The following ZEB1 variants were observed in gnomAD, a reference collection of about 807,000 sequenced individuals.
The protein encoded by ZEB1 is zinc finger E-box binding homeobox 1, also known as zinc finger E-box-binding homeobox 1.
ZEB1 carries 21 observed loss-of-function variants against 84.9 expected under a neutral mutation model. That is an observed-to-expected ratio of 0.25 (90% confidence interval 0.18 to 0.36). The LOEUF is 0.36. Ranked by LOEUF, ZEB1 falls within the 10% of genes least tolerant of loss-of-function variation. The pLI is 1.00. For missense variants in ZEB1, 1,104 were observed against 1,330.2 expected, an observed-to-expected ratio of 0.83 and a Z score of 2.65; for synonymous variants, 420 against 471.1, an observed-to-expected ratio of 0.89 and a Z score of 1.41.
chr10:31,487,123 A>G (rs1388103683), intron 2 of ZEB1, among the ~76,000 whole-genome samples: 1 of 151,438 alleles, frequency 6.6e-6, no homozygotes, highest in Non-Finnish European at 1.5e-5. Flanking sequence ...CTGTACATCC[A>G]TCCTTTTGCC....
chr10:31,319,180 A>T, upstream of ZEB1: 1 of 701,906 alleles, frequency 1.4e-6, no homozygotes, highest in Non-Finnish European at 1.9e-6. Context: ...GTGGGGGGGA[A>T]GGGGGAGGGA....
At chr10:31,456,399 A>G (rs2061243474) in intron 1 of ZEB1, among the ~76,000 whole-genome samples, 1 of 152,140 alleles carries the variant, frequency 6.6e-6, no homozygotes, top group Non-Finnish European at 1.5e-5. Context: ...TTAAAGTATA[A>G]TAATAAAAAG....
At chr10:31,437,554 A>G (rs1339260644) in intron 1 of ZEB1, among the ~76,000 whole-genome samples, 1 of 152,202 alleles carries the variant, frequency 6.6e-6, no homozygotes, top group Non-Finnish European at 1.5e-5. Context: ...AGGAGTAGAA[A>G]GACTTTCTTT....
At chr10:31,404,206 C>G (rs2052560778) in intron 1 of ZEB1, among the ~76,000 whole-genome samples, 1 of 150,768 alleles carries the variant, frequency 6.6e-6, no homozygotes, top group Non-Finnish European at 1.5e-5. Flanking sequence ...TGCTGTGTAC[C>G]CTTTTCTGCA....
intron 1 of ZEB1, among the ~76,000 whole-genome samples, chr10:31,354,960 A>G (rs139028453): frequency 3.3e-5 from 5 of 152,222 alleles, no homozygotes; most frequent in Non-Finnish European, 5.9e-5. Context: ...CTAAGTTCAC[A>G]CAGAGATACA....
At chr10:31,391,982 A>T (rs1408761858) in intron 1 of ZEB1, among the ~76,000 whole-genome samples, 1 of 152,220 alleles carries the variant, frequency 6.6e-6, no homozygotes, top group Non-Finnish European at 1.5e-5. Flanking sequence ...GAAAGAATTT[A>T]ACTTATCTTC....
chr10:31,331,912 T>C lies in ZEB1; in HGVS notation c.58+12620T>C, dbSNP rs79361565. Among the ~76,000 whole-genome samples, 845 of 152,304 alleles carry C rather than the reference T, an allele frequency of 5.5e-3. 13 individuals are homozygous for C. Among genetic ancestry groups the C allele is most frequent in the African/African-American group, 0.02 (811 of 41,558 alleles). Reference sequence around the variant, plus strand: ...TGCTTTCCTGAATTTAGATTTTATCTTGGACATGATGGGAAATTACCACAG... The same window carrying C: ...TGCTTTCCTGAATTTAGATTTTATCCTGGACATGATGGGAAATTACCACAG... On this transcript the variant is annotated intron_variant, in intron 1 of 8. Coordinates refer to ENST00000424869, the MANE Select transcript of ZEB1 (RefSeq NM_001174096.2).
At chr10:31,452,777 T>TG (rs1238871294) in intron 1 of ZEB1, among the ~76,000 whole-genome samples, 8 of 107,828 alleles carry the variant, frequency 7.4e-5, no homozygotes, top group African/African-American at 2.7e-4. Flanking sequence ...GAGAGAGAGA[T>TG]GTTATTGTAG....
At chr10:31,405,074 G>A (rs2052727525) in intron 1 of ZEB1, among the ~76,000 whole-genome samples, 1 of 152,104 alleles carries the variant, frequency 6.6e-6, no homozygotes, top group Non-Finnish European at 1.5e-5. Context: ...CTGCAGATGA[G>A]AAATAACAGG....
At chr10:31,378,487 T>C (rs953857508) in intron 1 of ZEB1, among the ~76,000 whole-genome samples, 9 of 151,746 alleles carry the variant, frequency 5.9e-5, no homozygotes, top group African/African-American at 1.9e-4. Flanking sequence ...ATTTTAGATG[T>C]TAAAATATTT....
At chr10:31,330,148 G>T (rs1440118001) in intron 1 of ZEB1, among the ~76,000 whole-genome samples, 1 of 152,110 alleles carries the variant, frequency 6.6e-6, no homozygotes, top group Non-Finnish European at 1.5e-5. Context: ...ATTTTTAGAA[G>T]CTTATAGCTT....
chr10:31,319,331 G>T (rs372356289), intron 1 of ZEB1, 39 bp downstream of exon 1: 17 of 1,592,634 alleles, frequency 1.1e-5, no homozygotes, highest in Non-Finnish European at 1.4e-5. Flanking sequence ...CGGAGTCAGG[G>T]GGAGCTGGGC....
At chr10:31,381,120 C>A (rs2047550600) in intron 1 of ZEB1, among the ~76,000 whole-genome samples, 2 of 152,074 alleles carry the variant, frequency 1.3e-5, no homozygotes, top group Non-Finnish European at 2.9e-5. Flanking sequence ...ATTTTTGTTA[C>A]AAATTTGTCC....
At chr10:31,411,966 TA>T (rs2054376584) in intron 1 of ZEB1, among the ~76,000 whole-genome samples, 1 of 152,194 alleles carries the variant, frequency 6.6e-6, no homozygotes, top group Non-Finnish European at 1.5e-5. Flanking sequence ...TGAAAATTTG[TA>T]ATTCCATTTC....
At chr10:31,518,934 G>A (rs1440928494) in intron 6 of ZEB1, among the ~76,000 whole-genome samples, 1 of 152,086 alleles carries the variant, frequency 6.6e-6, no homozygotes, top group African/African-American at 2.4e-5. Context: ...CTATAGCATT[G>A]AAGTTACTAT....
chr10:31,340,721 A>G (rs1418729227), intron 1 of ZEB1, among the ~76,000 whole-genome samples: 1 of 152,178 alleles, frequency 6.6e-6, no homozygotes, highest in Non-Finnish European at 1.5e-5. Flanking sequence ...CATGGTCACT[A>G]TAATACAGAG....
chr10:31,460,718 A>G (rs1480016517), intron 1 of ZEB1, among the ~76,000 whole-genome samples: 1 of 152,144 alleles, frequency 6.6e-6, no homozygotes, highest in Non-Finnish European at 1.5e-5. Context: ...CATATAAAAC[A>G]AGGATATAAG....
At chr10:31,474,749 GAC>G (rs1391345142) in intron 2 of ZEB1, among the ~76,000 whole-genome samples, 6 of 152,082 alleles carry the variant, frequency 3.9e-5, no homozygotes, top group South Asian at 2.1e-4. Context: ...CTGCTATAAA[GAC>G]ACATGCACAC....
At chr10:31,403,419 G>A (rs932953771) in intron 1 of ZEB1, among the ~76,000 whole-genome samples, 3 of 151,744 alleles carry the variant, frequency 2.0e-5, no homozygotes, top group Non-Finnish European at 2.9e-5. Context: ...TCAGAATCTC[G>A]TGTGCATGTA....
Sources: allele counts gnomAD v4.1 joint callset (sites outside exome capture counted in the v4.1 genomes callset), GRCh38; gene constraint gnomAD v4.1.1; transcripts MANE v1.5; gene names NCBI Gene and HGNC (gene_info 2026-07-23, HGNC 2026-07-21).